SAMM50: variants seen among roughly 807,000 people sequenced by gnomAD.
The protein encoded by SAMM50 is SAMM50 sorting and assembly machinery component, also known as sorting and assembly machinery component 50 homolog.
In SAMM50, 47 loss-of-function variants were observed where a neutral mutation model predicts 66.9. That is an observed-to-expected ratio of 0.70 (90% confidence interval 0.56 to 0.90). The LOEUF (loss-of-function observed/expected upper bound fraction) is 0.90. Among genes scored for constraint, SAMM50 ranks in the 40% least tolerant of loss-of-function variants. SAMM50 has a pLI of 0.00. For synonymous variants in SAMM50, 191 were observed against 214.1 expected, an observed-to-expected ratio of 0.89 and a Z score of 0.94; for missense variants, 535 against 595.3, an observed-to-expected ratio of 0.90 and a Z score of 1.05.
intron 10 of SAMM50, among the ~76,000 whole-genome samples, chr22:43,978,748 AG>A (rs2146819160): frequency 6.6e-6 from 1 of 151,852 alleles, no homozygotes; most frequent in Admixed American, 6.5e-5. Context: ...CCAGGCTGGG[AG>A]GGCACCTGGC....
chr22:43,973,396 C>A, intron 7 of SAMM50, 73 bp downstream of exon 7: 1 of 891,626 alleles, frequency 1.1e-6, no homozygotes, highest in Non-Finnish European at 1.9e-6. Flanking sequence ...TTCCCAAAGG[C>A]AGCAAGAGGG....
rs561180635 is a variant in SAMM50, at chr22:43,957,075, A to C, written c.21+1477A>C. ...GGCCATTTTTGCTGGCTATAAGTGG[A>C]GTCTCCGGAACCAAAGGGAGCACAC... On this transcript the variant is annotated intron_variant, in intron 1 of 14. Transcript: ENST00000350028. The C allele has an allele frequency of 4.7e-5, 48 of 1,014,392 alleles. 1 individual carries two copies. The East Asian group carries it at 1.1e-3, about 24-fold the overall frequency. The allele number at this position is 1,014,392 out of a possible 1,614,324, so 62.8% of individuals were successfully genotyped here. A position where few individuals can be genotyped will look rare whatever the true frequency, so the allele number is the denominator to read the frequency against.
Position 43,990,425 on chromosome 22 carries a change from T to C in SAMM50, c.1364+19T>C. 6.2e-7 allele frequency: 1 copy of C among 1,611,954 alleles called. No individual in the cohort carries two copies. The highest frequency in any genetic ancestry group is 8.5e-7 in the Non-Finnish European group (1 of 1,178,356). ...GCGACAGGTACGTGTTGGGAATTATTTTCCACAATCACATCCCACTCTCCA... is the reference window on the plus strand; with the variant it reads ...GCGACAGGTACGTGTTGGGAATTATCTTCCACAATCACATCCCACTCTCCA... On this transcript the variant is annotated intron_variant, in intron 14 of 14. Coordinates refer to ENST00000350028, the MANE Select transcript of SAMM50 (RefSeq NM_015380.5).
intron 10 of SAMM50, among the ~76,000 whole-genome samples, chr22:43,980,927 G>C (rs911921704): frequency 6.6e-6 from 1 of 152,222 alleles, no homozygotes; most frequent in African/African-American, 2.4e-5. Context: ...GAGTGGGGTT[G>C]GGAGTGCGTC....
At position 43,963,319 on chromosome 22, in the gene SAMM50, T is replaced by A; in HGVS notation, c.55T>A (p.Phe19Ile). The A allele has an allele frequency of 6.2e-7, 1 of 1,612,684 alleles. No individual in the cohort carries two copies. Reference sequence around the variant, plus strand: ...GCCTCTTCCATCAAGTGGACCTGATTTTGGAGGATTAGGAGAAGAAGCTGA... The same window carrying A: ...GCCTCTTCCATCAAGTGGACCTGATATTGGAGGATTAGGAGAAGAAGCTGA... ...LEPLPSSGPD[F>I]GGLGEEAEFV... The change falls in exon 2 of 15, where the codon TTT (phenylalanine) becomes ATT (isoleucine). Residue 19 changes from phenylalanine (F) to isoleucine (I), a missense_variant. By Grantham distance (21) the Phe-to-Ile change is conservative (BLOSUM62 0). Transcript: ENST00000350028.
At chr22:43,977,580 C>T (rs188611952) in intron 9 of SAMM50, among the ~76,000 whole-genome samples, 252 of 152,296 alleles carry the variant, frequency 1.7e-3, no homozygotes, top group African/African-American at 5.6e-3. Context: ...ATGAAGCCAA[C>T]GAGCCAAGCC....
chr22:43,970,638 C>T (rs1447095143), intron 4 of SAMM50, among the ~76,000 whole-genome samples: 1 of 152,134 alleles, frequency 6.6e-6, no homozygotes, highest in Non-Finnish European at 1.5e-5. Flanking sequence ...AAATGTACCA[C>T]ACATGCGAGG....
chr22:43,960,391 C>A (rs1052913757), intron 1 of SAMM50, among the ~76,000 whole-genome samples: 1 of 152,008 alleles, frequency 6.6e-6, no homozygotes, highest in Non-Finnish European at 1.5e-5. Flanking sequence ...ATTCCCCATT[C>A]CACAAATATT....
At chr22:43,976,903 G>T (rs368264151) in intron 9 of SAMM50, 82 bp downstream of exon 9, 1 of 830,350 alleles carries the variant, frequency 1.2e-6, no homozygotes, top group South Asian at 1.6e-5. Context: ...TGGGCTGGGT[G>T]GGCCTGGGGG....
intron 9 of SAMM50, among the ~76,000 whole-genome samples, chr22:43,977,084 A>G (rs2050236548): frequency 6.6e-6 from 1 of 152,178 alleles, no homozygotes; most frequent in African/African-American, 2.4e-5. Context: ...GAGGGCCTGT[A>G]ATAGGCCAGG....
intron 10 of SAMM50, among the ~76,000 whole-genome samples, chr22:43,978,879 A>G (rs2050248113): frequency 6.6e-6 from 1 of 152,180 alleles, no homozygotes; most frequent in Admixed American, 6.5e-5. Flanking sequence ...GAAATGGTGC[A>G]TGCGACTGTT....
intron 14 of SAMM50, among the ~76,000 whole-genome samples, chr22:43,994,775 C>T (rs980563232): frequency 3.9e-5 from 6 of 152,124 alleles, no homozygotes; most frequent in Admixed American, 2.0e-4. Flanking sequence ...AACTTCGCAG[C>T]GCTGCTTTGA....
intron 10 of SAMM50, among the ~76,000 whole-genome samples, chr22:43,980,610 T>A (rs73178443): frequency 0.023 from 3,486 of 152,126 alleles, 48 homozygotes; most frequent in African/African-American, 0.033. Context: ...CCCTGGAGCC[T>A]TCTGAGCAGA....
chr22:43,973,092 G>A, intron 6 of SAMM50, 91 bp downstream of exon 6: 5 of 1,497,228 alleles, frequency 3.3e-6, no homozygotes, highest in Non-Finnish European at 4.5e-6. Context: ...GACAGAATCA[G>A]CTGCCACTTC....
rs180928342 is a variant in SAMM50 at position 43,973,252 on chromosome 22, T to C, written c.577T>C (p.Tyr193His). 7.5e-6 allele frequency: 12 copies of C among 1,600,840 alleles called. 1 individual carries two copies. The Middle Eastern group carries it at 5.0e-4, about 66-fold the overall frequency. ...NFERNFSVNL[Y>H]KVTGQFPWSS... Reference sequence around the variant, plus strand: ...GTCTCCTAGTTTCTCTGTAAACTTATATAAAGTTACTGGACAGTTCCCTTG... The same window carrying C: ...GTCTCCTAGTTTCTCTGTAAACTTACATAAAGTTACTGGACAGTTCCCTTG... The change falls in exon 7 of 15, where the codon TAT becomes CAT. Residue 193 changes from tyrosine (Y) to histidine (H), a missense_variant. Coordinates refer to ENST00000350028, the MANE Select transcript of SAMM50 (RefSeq NM_015380.5).
In SAMM50 at chr22:43,996,389, A is replaced by G; in HGVS notation, c.*6A>G. 1.2e-6 allele frequency: 2 copies of G among 1,613,646 alleles called. No homozygotes were observed. The highest frequency in any genetic ancestry group is 1.7e-6 in the Non-Finnish European group (2 of 1,179,652). ...CTGGGATAAGGTTCCTGTAGCCGACACCCCTACAGGAGAAGCTCTGGGACT... is the reference window on the plus strand; with the variant it reads ...CTGGGATAAGGTTCCTGTAGCCGACGCCCCTACAGGAGAAGCTCTGGGACT... On this transcript the variant is annotated 3_prime_UTR_variant, in exon 15 of 15. Coordinates refer to ENST00000350028, the MANE Select transcript of SAMM50 (RefSeq NM_015380.5).
chr22:43,993,285 G>GGAGGGTCTGGGCAGC (rs2050335544), intron 14 of SAMM50, among the ~76,000 whole-genome samples: 1 of 152,262 alleles, frequency 6.6e-6, no homozygotes, highest in South Asian at 2.1e-4. Flanking sequence ...TCTCGGGCAG[G>GGAGGGTCTGGGCAGC]GAGGGTCTGG....
At chr22:43,967,433 GTTTCAGTAGCTTCT>G (rs2146810149) in intron 3 of SAMM50, among the ~76,000 whole-genome samples, 1 of 152,348 alleles carries the variant, frequency 6.6e-6, no homozygotes, top group East Asian at 1.9e-4. Flanking sequence ...CCGAGCTGCA[GTTTCAGTAGCTTCT>G]TTCTTAGCCT....
At chr22:43,987,709 A>G (rs1483872179) in intron 12 of SAMM50, 1 of 152,220 alleles carries the variant, frequency 6.6e-6, no homozygotes, top group Non-Finnish European at 1.5e-5. Flanking sequence ...CAGGAAACTC[A>G]TCATAGGTTA....
Sources: allele counts gnomAD v4.1 joint callset (sites outside exome capture counted in the v4.1 genomes callset), GRCh38; gene constraint gnomAD v4.1.1; transcripts MANE v1.5; gene names NCBI Gene and HGNC (gene_info 2026-07-23, HGNC 2026-07-21).